Variants in MITF observed in about 807,000 individuals in gnomAD.
MITF encodes microphthalmia-associated transcription factor.
MITF carries 17 observed loss-of-function variants against 60.5 expected under a neutral mutation model. The ratio of observed to expected loss-of-function variants is 0.28; its 90% CI spans 0.19 to 0.42. MITF has a LOEUF of 0.42. MITF is among the 10% of genes least tolerant of loss of function. The pLI is 1.00. For synonymous variants in MITF, 260 were observed against 248.5 expected, an observed-to-expected ratio of 1.05 and a Z score of -0.43; for missense variants, 622 against 683.5, an observed-to-expected ratio of 0.91 and a Z score of 1.00.
At chr3:69,955,905 A>G (rs2066386055) in intron 7 of MITF, among the ~76,000 whole-genome samples, 1 of 152,246 alleles carries the variant, frequency 6.6e-6, no homozygotes, top group South Asian at 2.1e-4. Context: ...AATGCTTTTC[A>G]TTGATTTGCC....
intron 2 of MITF, among the ~76,000 whole-genome samples, chr3:69,932,581 C>A (rs1250889610): frequency 6.6e-6 from 1 of 152,076 alleles, no homozygotes; most frequent in Non-Finnish European, 1.5e-5. Flanking sequence ...GATTTTGATT[C>A]TTCTCCCTTA....
At chr3:69,779,023 T>A (rs1399594427) in intron 1 of MITF, 2 of 152,186 alleles carry the variant, frequency 1.3e-5, no homozygotes, top group Non-Finnish European at 2.9e-5. Flanking sequence ...AAGGGAAATG[T>A]TTATTCACTC....
chr3:69,896,508 C>T (rs1464419630), intron 2 of MITF, among the ~76,000 whole-genome samples: 1 of 152,240 alleles, frequency 6.6e-6, no homozygotes, highest in Admixed American at 6.5e-5. Flanking sequence ...GTCTGGGATG[C>T]TAGCTGCAGA....
In MITF at chr3:69,957,039, GA is replaced by G. The variant is rs368129306; in HGVS notation, c.1031+516del. 2.0e-5 allele frequency among the ~76,000 whole-genome samples: 3 copies of G among 152,162 alleles called. No individual in the cohort carries two copies. The East Asian group carries it at 5.8e-4, about 29-fold the overall frequency. ...CTTTGTATGTTTTACCATTGTAGGG[GA>G]AAAAAAGTAGTGTTTTAATCCTCTT... On this transcript the variant is annotated intron_variant, in intron 8 of 9. Coordinates refer to ENST00000352241, the MANE Select transcript of MITF (RefSeq NM_001354604.2).
intron 1 of MITF, among the ~76,000 whole-genome samples, chr3:69,841,971 A>G (rs1250096391): frequency 1.3e-5 from 2 of 152,222 alleles, no homozygotes; most frequent in African/African-American, 2.4e-5. Flanking sequence ...TCTTCGGAGC[A>G]GTATACTTTC....
At chr3:69,923,637 ATTC>A (rs1559723042) in intron 2 of MITF, among the ~76,000 whole-genome samples, 3 of 152,118 alleles carry the variant, frequency 2.0e-5, no homozygotes, top group Admixed American at 6.6e-5. Flanking sequence ...TCACTTTTTA[ATTC>A]TTCTCCTAAT....
intron 1 of MITF, among the ~76,000 whole-genome samples, chr3:69,789,727 A>G (rs2062708480): frequency 6.6e-6 from 1 of 152,106 alleles, no homozygotes; most frequent in African/African-American, 2.4e-5. Flanking sequence ...GTGGTGGCAC[A>G]CACCTGTAGT....
chr3:69,946,093 A>G (rs1212579576), intron 5 of MITF, among the ~76,000 whole-genome samples: 1 of 152,206 alleles, frequency 6.6e-6, no homozygotes, highest in Non-Finnish European at 1.5e-5. Context: ...TAATCATAGC[A>G]GTTACCACTT....
chr3:69,848,268 T>C (rs2063765292), intron 1 of MITF, among the ~76,000 whole-genome samples: 1 of 152,248 alleles, frequency 6.6e-6, no homozygotes, highest in Non-Finnish European at 1.5e-5. Flanking sequence ...TAAGCAGATA[T>C]CCTGGCCAGC....
intron 2 of MITF, among the ~76,000 whole-genome samples, chr3:69,895,027 C>T (rs2064844239): frequency 1.3e-5 from 2 of 152,096 alleles, no homozygotes; most frequent in Non-Finnish European, 2.9e-5. Context: ...GGGTGTAGGT[C>T]TCCCCATCTG....
chr3:69,898,894 A>G (rs562792311), intron 2 of MITF, among the ~76,000 whole-genome samples: 4 of 152,282 alleles, frequency 2.6e-5, no homozygotes, highest in Non-Finnish European at 5.9e-5. Context: ...GTTATTGAAC[A>G]TCTTTGTATT....
chr3:69,936,943 G>A, intron 2 of MITF: 1 of 445,100 alleles, frequency 2.2e-6, no homozygotes, highest in South Asian at 3.9e-5. Flanking sequence ...ATATTAGTAG[G>A]ATTCTTTTTT....
chr3:69,966,726 A>T lies in MITF; in HGVS notation c.*1478A>T, dbSNP rs1199191482. 1.3e-5 allele frequency: 3 copies of T among 233,054 alleles called. No homozygotes were observed. The highest frequency in any genetic ancestry group is 1.2e-4 in the East Asian group (2 of 16,418). The allele number at this position is 233,054 out of a possible 1,614,324, so 14.4% of individuals were successfully genotyped here. A position where few individuals can be genotyped will look rare whatever the true frequency, so the allele number is the denominator to read the frequency against. On this transcript the variant is annotated 3_prime_UTR_variant, in exon 10 of 10. Coordinates refer to ENST00000352241, the MANE Select transcript of MITF (RefSeq NM_001354604.2). Reference sequence around the variant, plus strand: ...TACATGTATCAAGCCTAGATGTTTTATACAGATGCCATATAGTGTTATGAG... The same window carrying T: ...TACATGTATCAAGCCTAGATGTTTTTTACAGATGCCATATAGTGTTATGAG...
chr3:69,773,924 C>T (rs2106848223), intron 1 of MITF, among the ~76,000 whole-genome samples: 1 of 152,230 alleles, frequency 6.6e-6, no homozygotes, highest in East Asian at 1.9e-4. Flanking sequence ...ATAAATAAGA[C>T]ACAGCGTCTT....
intron 1 of MITF, among the ~76,000 whole-genome samples, chr3:69,856,040 G>C (rs534950870): frequency 1.1e-4 from 17 of 152,156 alleles, no homozygotes; most frequent in African/African-American, 3.9e-4. Flanking sequence ...TGAGAGATTG[G>C]GGCTGGGCTC....
At chr3:69,934,513 A>T (rs1485000819) in intron 2 of MITF, among the ~76,000 whole-genome samples, 1 of 152,218 alleles carries the variant, frequency 6.6e-6, no homozygotes, top group African/African-American at 2.4e-5. Context: ...TAGAAACATG[A>T]TCTCATTTAA....
At chr3:69,812,463 TA>T (rs776498348) in intron 1 of MITF, among the ~76,000 whole-genome samples, 35 of 152,280 alleles carry the variant, frequency 2.3e-4, no homozygotes, top group Non-Finnish European at 4.4e-4. Context: ...CATAATAAAA[TA>T]TGCCTGAGGG....
At chr3:69,780,141 A>G (rs1403434222) in intron 1 of MITF, among the ~76,000 whole-genome samples, 2 of 152,154 alleles carry the variant, frequency 1.3e-5, no homozygotes, top group East Asian at 1.9e-4. Flanking sequence ...AAGATGATCT[A>G]ATAGAGACAG....
chr3:69,911,077 G>A (rs1439491948), intron 2 of MITF, among the ~76,000 whole-genome samples: 1 of 151,962 alleles, frequency 6.6e-6, no homozygotes, highest in Non-Finnish European at 1.5e-5. Flanking sequence ...ATCATGGGGG[G>A]CCAGTCTTTC....
Sources: allele counts gnomAD v4.1 joint callset (sites outside exome capture counted in the v4.1 genomes callset), GRCh38; gene constraint gnomAD v4.1.1; transcripts MANE v1.5; gene names NCBI Gene and HGNC (gene_info 2026-07-23, HGNC 2026-07-21).